GALNTL6: variants seen among roughly 807,000 people sequenced by gnomAD.
The protein encoded by GALNTL6 is polypeptide N-acetylgalactosaminyltransferase like 6, also known as polypeptide N-acetylgalactosaminyltransferase-like 6.
Under a neutral mutation model 73.7 loss-of-function variants are expected in GALNTL6, and 46 were observed. The observed-to-expected ratio is 0.62, with a 90% confidence interval of 0.49 to 0.80. The LOEUF (loss-of-function observed/expected upper bound fraction) is 0.80. Ranked by LOEUF, GALNTL6 falls within the 30% of genes least tolerant of loss-of-function variation. GALNTL6 has a pLI of 0.00. For synonymous variants in GALNTL6, 259 were observed against 263.7 expected (o/e 0.98, Z 0.17); for missense variants, 604 against 755.0 (o/e 0.80, Z 2.34).
chr4:171,916,386 A>C (rs190362142), intron 2 of GALNTL6, among the ~76,000 whole-genome samples: 1 of 152,154 alleles, frequency 6.6e-6, no homozygotes, highest in African/African-American at 2.4e-5. Context: ...TCACAGCTTC[A>C]TGTTGGAAAT....
At chr4:172,452,634 A>T (rs1732254169) in intron 5 of GALNTL6, among the ~76,000 whole-genome samples, 1 of 152,240 alleles carries the variant, frequency 6.6e-6, no homozygotes, top group African/African-American at 2.4e-5. Context: ...ATAGGTGAGA[A>T]TATTTCTTTA....
chr4:172,609,625 C>CTGTGTGTGTGTGTGTG (rs35490374), intron 5 of GALNTL6, among the ~76,000 whole-genome samples: 3 of 92,776 alleles, frequency 3.2e-5, no homozygotes, highest in South Asian at 5.2e-4. Context: ...CTCTCTCTCT[C>CTGTGTGTGTGTGTGTG]TGTGTGTGTG....
chr4:172,447,568 T>C (rs766817857), intron 5 of GALNTL6, among the ~76,000 whole-genome samples: 23 of 152,172 alleles, frequency 1.5e-4, no homozygotes, highest in Non-Finnish European at 3.2e-4. Context: ...ATAACAAATA[T>C]CTTCTAAAAG....
chr4:172,471,332 C>A (rs1414694740), intron 5 of GALNTL6, among the ~76,000 whole-genome samples: 1 of 152,158 alleles, frequency 6.6e-6, no homozygotes, highest in African/African-American at 2.4e-5. Context: ...TTATTGCAAT[C>A]AAATGAATTT....
intron 8 of GALNTL6, among the ~76,000 whole-genome samples, chr4:172,892,303 C>A (rs547582983): frequency 1.3e-5 from 2 of 152,138 alleles, no homozygotes; most frequent in African/African-American, 4.8e-5. Flanking sequence ...ATGGATGAGG[C>A]CTTTTGTTTT....
chr4:172,634,688 T>C (rs141142698), intron 5 of GALNTL6, among the ~76,000 whole-genome samples: 54 of 152,346 alleles, frequency 3.5e-4, no homozygotes, highest in Middle Eastern at 3.4e-3. Flanking sequence ...AATTTATTTA[T>C]GTTTAATAAA....
chr4:172,072,004 A>C (rs1490407726), intron 2 of GALNTL6, among the ~76,000 whole-genome samples: 1 of 152,132 alleles, frequency 6.6e-6, no homozygotes, highest in Non-Finnish European at 1.5e-5. Context: ...TGGTTACTAG[A>C]GATAGCACTC....
At chr4:171,920,542 A>T (rs1157283995) in intron 2 of GALNTL6, among the ~76,000 whole-genome samples, 1 of 152,194 alleles carries the variant, frequency 6.6e-6, no homozygotes, top group African/African-American at 2.4e-5. Flanking sequence ...TAATATAAAC[A>T]AGAAGAGTTT....
intron 2 of GALNTL6, among the ~76,000 whole-genome samples, chr4:172,194,440 G>T (rs1366577255): frequency 6.6e-6 from 1 of 152,126 alleles, no homozygotes; most frequent in Non-Finnish European, 1.5e-5. Flanking sequence ...TCAAATTCAG[G>T]AAGTCCAGAG....
At chr4:172,372,353 G>C (rs912482984) in intron 5 of GALNTL6, among the ~76,000 whole-genome samples, 15 of 152,122 alleles carry the variant, frequency 9.9e-5, no homozygotes, top group African/African-American at 3.1e-4. Flanking sequence ...AGTAGCACCT[G>C]GTATCTAAGT....
chr4:172,375,231 C>A (rs1742983263), intron 5 of GALNTL6, among the ~76,000 whole-genome samples: 1 of 152,114 alleles, frequency 6.6e-6, no homozygotes, highest in South Asian at 2.1e-4. Context: ...GGACATAAGG[C>A]ATTTCACTCT....
chr4:172,317,432 T>G (rs2111157517), intron 4 of GALNTL6, among the ~76,000 whole-genome samples: 1 of 152,302 alleles, frequency 6.6e-6, no homozygotes, highest in African/African-American at 2.4e-5. Flanking sequence ...GCGTGATCTA[T>G]TCAGTTATTT....
intron 4 of GALNTL6, among the ~76,000 whole-genome samples, chr4:172,331,110 A>G (rs986767673): frequency 2.6e-5 from 4 of 152,002 alleles, no homozygotes; most frequent in African/African-American, 7.2e-5. Flanking sequence ...TATATTATCT[A>G]TCATTTCACT....
chr4:172,405,883 A>G (rs337032), intron 5 of GALNTL6, among the ~76,000 whole-genome samples: 6,422 of 152,118 alleles, frequency 0.042, 418 homozygotes, highest in African/African-American at 0.14. Context: ...TTAGTAGGGC[A>G]TTCACGGAAG....
intron 2 of GALNTL6, among the ~76,000 whole-genome samples, chr4:172,077,198 G>A (rs981658062): frequency 6.6e-6 from 1 of 152,208 alleles, no homozygotes; most frequent in Non-Finnish European, 1.5e-5. Flanking sequence ...TACTAGGAAA[G>A]TGGGGTGTTT....
chr4:172,100,879 TG>T (rs1732490738), intron 2 of GALNTL6, among the ~76,000 whole-genome samples: 1 of 152,146 alleles, frequency 6.6e-6, no homozygotes, highest in Non-Finnish European at 1.5e-5. Flanking sequence ...GCTCATAGTA[TG>T]GAAGTAGGAG....
intron 5 of GALNTL6, among the ~76,000 whole-genome samples, chr4:172,673,193 C>G (rs61026589): frequency 0.018 from 2,814 of 152,212 alleles, 82 homozygotes; most frequent in African/African-American, 0.063. Flanking sequence ...TTAGCTGTGT[C>G]CCAAAGATTC....
At chr4:172,560,122 A>T (rs1164346765) in intron 5 of GALNTL6, among the ~76,000 whole-genome samples, 1 of 152,130 alleles carries the variant, frequency 6.6e-6, no homozygotes, top group Non-Finnish European at 1.5e-5. Flanking sequence ...AATTCAGTAG[A>T]TCTGTTAGAG....
chr4:171,957,880 G>A (rs1268051539), intron 2 of GALNTL6, among the ~76,000 whole-genome samples: 3 of 152,084 alleles, frequency 2.0e-5, no homozygotes, highest in South Asian at 2.1e-4. Flanking sequence ...ATTTTCTAGC[G>A]GGAATCCTAA....
Sources: gnomAD v4.1 joint callset for allele counts (sites outside exome capture counted in the v4.1 genomes callset) on GRCh38, gnomAD v4.1.1 for gene constraint, MANE v1.5 for transcripts, NCBI Gene and HGNC (gene_info 2026-07-23, HGNC 2026-07-21) for gene names.